CCDC88B: variants seen among roughly 807,000 people sequenced by gnomAD.
The protein encoded by CCDC88B is coiled-coil domain-containing protein 88B.
CCDC88B carries 138 observed loss-of-function variants against 183.7 expected under a neutral mutation model. That is an observed-to-expected ratio of 0.75 (90% confidence interval 0.65 to 0.87). The LOEUF (loss-of-function observed/expected upper bound fraction) is 0.87, where lower values mean the gene tolerates loss of function less well. Among genes scored for constraint, CCDC88B ranks in the 40% least tolerant of loss-of-function variants. The pLI, the probability that CCDC88B is intolerant of heterozygous loss-of-function variation, is 0.00. For synonymous variants in CCDC88B, 835 were observed against 867.5 expected (o/e 0.96, Z 0.66); for missense variants, 1,822 against 1,965.6 (o/e 0.93, Z 1.38).
rs757980929 is a variant in CCDC88B at position 64,344,529 on chromosome 11, A to C, written c.1988A>C (p.Gln663Pro). Residue 663 changes from glutamine (Q) to proline (P), a missense_variant, in exon 14 of 27, where the codon CAG (glutamine) becomes CCG (proline). By Grantham distance (76) the Gln-to-Pro change is moderately conservative. Transcript: ENST00000356786. This position sits in a 1 kb window ranked among gnomAD's most constrained non-coding sequence, Gnocchi z 4.5. ...SEPSSVQLEEQEGPNQGLDLA... is the reference protein window; with the variant it reads ...SEPSSVQLEEPEGPNQGLDLA... ...CCCAGCTCTGTGCAGCTGGAGGAGC[A>C]GGAGGGCCCAAACCAGGGCCTGGAC... 2 of 1,605,690 alleles carry C rather than the reference A, an allele frequency of 1.2e-6. No homozygotes were observed. Among genetic ancestry groups the C allele is most frequent in the South Asian group, 2.2e-5 (2 of 90,300 alleles).
Position 64,352,846 on chromosome 11 carries a change from C to T in CCDC88B, c.3459C>T (p.Gly1153=), listed in dbSNP as rs1284676136. 1.2e-6 allele frequency: 2 copies of T among 1,610,350 alleles called. No homozygotes were observed. The highest frequency in any genetic ancestry group is 1.7e-6 in the Non-Finnish European group (2 of 1,178,994). Residue 1153 remains glycine, a synonymous_variant, in exon 20 of 27, where the codon GGC becomes GGT. Coordinates refer to ENST00000356786, the MANE Select transcript of CCDC88B (RefSeq NM_032251.6). ...TGCAAGATGGGCATCGGCAGCGGGG[C>T]CTGGAGGAGGAGCTGCGGAGGCTTC... ...RLMQDGHRQR[G]LEEELRRLQS... is the part of the protein sequence containing the mutation.
intron 10 of CCDC88B, 95 bp from the exon 11 acceptor site, chr11:64,343,084 G>A: frequency 7.2e-7 from 1 of 1,389,806 alleles, no homozygotes; most frequent in Non-Finnish European, 9.5e-7. Context: ...GGGAGGCAGG[G>A]TCTGTGACAG....
chr11:64,346,416 A>C (rs1387850164), intron 14 of CCDC88B, among the ~76,000 whole-genome samples: 1 of 149,788 alleles, frequency 6.7e-6, no homozygotes, highest in African/African-American at 2.5e-5. Flanking sequence ...GTACAGGCAC[A>C]CACCACCACG....
At chr11:64,345,586 G>A (rs954875381) in intron 14 of CCDC88B, among the ~76,000 whole-genome samples, 2 of 152,200 alleles carry the variant, frequency 1.3e-5, no homozygotes, top group African/African-American at 2.4e-5. Flanking sequence ...TGCTACGAGA[G>A]CCCATGGGAG....
Position 64,354,119 on chromosome 11 carries a change from G to C in CCDC88B, c.4048G>C (p.Gly1350Arg), listed in dbSNP as rs1294391630. 3.6e-6 allele frequency: 5 copies of C among 1,381,832 alleles called. No individual in the cohort carries two copies. The highest frequency in any genetic ancestry group is 4.7e-6 in the Non-Finnish European group (5 of 1,061,386). The allele number at this position is 1,381,832 out of a possible 1,614,324, so 85.6% of individuals were successfully genotyped here. ...ADGAGSTESLGGPPETELPEG... is the reference protein window; with the variant it reads ...ADGAGSTESLRGPPETELPEG... ...TGGGGCTGGCAGCACCGAGAGCCTG[G>C]GGGGCCCCCCGGAGACGGAGCTTCC... The change falls in exon 24 of 27, where the codon GGG (glycine) becomes CGG (arginine). Residue 1350 changes from glycine (G) to arginine (R), a missense_variant. Coordinates refer to ENST00000356786, the MANE Select transcript of CCDC88B (RefSeq NM_032251.6).
chr11:64,351,636 C>T lies in CCDC88B; in HGVS notation c.3099+20C>T. ...CTGCAGGTGGGTGGTGGCCCGGGTG[C>T]CCATCCCTGCCCATGTACTGCCCCC... On this transcript the variant is annotated intron_variant, in intron 18 of 26. Coordinates refer to ENST00000356786, the MANE Select transcript of CCDC88B (RefSeq NM_032251.6). 6.5e-7 allele frequency: 1 copy of T among 1,543,306 alleles called. No homozygotes were observed. The highest frequency in any genetic ancestry group is 8.7e-7 in the Non-Finnish European group (1 of 1,152,394).
rs1429445784 is a variant in CCDC88B at position 64,341,257 on chromosome 11, A to G, written c.389-13A>G. On this transcript the variant is annotated splice_polypyrimidine_tract_variant and intron_variant, in intron 4 of 26. Transcript: ENST00000356786. ...CCCGCCCCAGTTAACCCCTTGTGGC[A>G]TGTGCCTTGCAGAAGAAGCGGTGGA... The G allele has an allele frequency of 1.9e-6, 3 of 1,613,676 alleles. No homozygotes were observed. The highest frequency in any genetic ancestry group is 2.5e-6 in the Non-Finnish European group (3 of 1,179,972).
chr11:64,354,677 C>A (rs2036473039), intron 24 of CCDC88B, among the ~76,000 whole-genome samples: 1 of 112,368 alleles, frequency 8.9e-6, no homozygotes, highest in African/African-American at 3.6e-5. Flanking sequence ...GACCCCCTCC[C>A]TGCATGAGCC....
rs1222261872 is a variant in CCDC88B at position 64,344,192 on chromosome 11, C to T, written c.1651C>T (p.Pro551Ser). The change falls in exon 14 of 27, where the codon CCT becomes TCT. Residue 551 changes from proline (P) to serine (S), a missense_variant. By Grantham distance (74) the Pro-to-Ser change is moderately conservative. Transcript: ENST00000356786. This position sits in a 1 kb window ranked among gnomAD's most constrained non-coding sequence, Gnocchi z 4.5. Reference sequence around the variant, plus strand: ...GGCATCAGCTGAGTGTCCCCAGGCACCTGATTCAGACCCACAGGAGGCAGA... The same window carrying T: ...GGCATCAGCTGAGTGTCCCCAGGCATCTGATTCAGACCCACAGGAGGCAGA... ...LEASAECPQA[P>S]DSDPQEAESP... The T allele has an allele frequency of 6.2e-7, 1 of 1,612,032 alleles. No homozygotes were observed. Among genetic ancestry groups the T allele is most frequent in the South Asian group, 1.1e-5 (1 of 90,878 alleles).
rs751953110 is a variant in CCDC88B, at chr11:64,343,555, GTGGAGC to G, written c.1272_1277del (p.Glu425_Leu426del). ...GGTGGACCAGCTGGCTGAGGAGAAT[GTGGAGC>G]TGGAGCTGGAGCTTCAGCGGAGCTT... On this transcript the variant is annotated inframe_deletion, in exon 12 of 27. Transcript: ENST00000356786. 6.4e-6 allele frequency: 10 copies of G among 1,551,946 alleles called. No homozygotes were observed. The highest frequency in any genetic ancestry group is 8.7e-6 in the Non-Finnish European group (10 of 1,147,170).
At chr11:64,349,057 C>T (rs567790399) in intron 14 of CCDC88B, 65 of 717,024 alleles carry the variant, frequency 9.1e-5, no homozygotes, top group East Asian at 4.8e-4. Flanking sequence ...AGAGAGGTGA[C>T]GGCACTTGCC....
chr11:64,353,667 C>A (rs745729401), intron 22 of CCDC88B, 48 bp from the exon 23 acceptor site: 1 of 1,604,938 alleles, frequency 6.2e-7, no homozygotes, highest in Non-Finnish European at 8.5e-7. Flanking sequence ...GCTACTGCCT[C>A]GGCCTCCCTG....
chr11:64,349,039 G>C, intron 14 of CCDC88B: 1 of 717,468 alleles, frequency 1.4e-6, no homozygotes, highest in East Asian at 2.7e-5. Flanking sequence ...ATGAAGAACC[G>C]TGGGCTCAGA....
chr11:64,342,126 C>T lies in CCDC88B; in HGVS notation c.808C>T (p.Leu270=). ...CAACGCCAAGGCTCAGCTGCGGCGT[C>T]TGCGGCAGGAGCTGTGAGTGTGCGC... is the stretch of plus-strand genomic sequence containing the variant. ...LANAKAQLRR[L]RQELEEKAEL... Residue 270 remains leucine, a synonymous_variant, in exon 8 of 27, where the codon CTG becomes TTG. Transcript: ENST00000356786. The T allele has an allele frequency of 1.2e-6, 2 of 1,609,362 alleles. No homozygotes were observed. Among genetic ancestry groups the T allele is most frequent in the Non-Finnish European group, 8.5e-7 (1 of 1,178,768 alleles).
intron 14 of CCDC88B, 45 bp from the exon 15 acceptor site, chr11:64,349,286 C>G (rs919115658): frequency 4.6e-6 from 7 of 1,523,736 alleles, no homozygotes; most frequent in Non-Finnish European, 5.3e-6. Context: ...CTGTCTCCGG[C>G]TGTCTCCTGC....
At chr11:64,342,864 G>A in intron 10 of CCDC88B, 184 bp downstream of exon 10, 1 of 649,766 alleles carries the variant, frequency 1.5e-6, no homozygotes, top group South Asian at 2.1e-5. Flanking sequence ...GGATGGGGCA[G>A]GTGTAGGGGA....
chr11:64,353,385 A>G lies in CCDC88B; in HGVS notation c.3722A>G (p.Glu1241Gly). Residue 1241 changes from glutamate to glycine, a missense_variant, in exon 22 of 27, where the codon GAG (glutamate) becomes GGG (glycine). Physicochemically the swap from Glu to Gly is moderately conservative, Grantham distance 98 (BLOSUM62 -2). Coordinates refer to ENST00000356786, the MANE Select transcript of CCDC88B (RefSeq NM_032251.6). ...LTQLRSAQEE[E>G]NRQLLAEVQA... ...CAGCTGCGAAGTGCCCAGGAAGAGG[A>G]GAACCGGCAGCTGCTGGCTGAAGTT... The G allele has an allele frequency of 1.2e-6, 2 of 1,613,572 alleles. No individual in the cohort carries two copies. Among genetic ancestry groups the G allele is most frequent in the East Asian group, 4.5e-5 (2 of 44,884 alleles).
intron 14 of CCDC88B, chr11:64,348,739 C>T (rs2036212925): frequency 2.2e-6 from 1 of 464,790 alleles, no homozygotes; most frequent in Non-Finnish European, 3.8e-6. Context: ...ATGGTTTGGT[C>T]TCCCTCCCTC....
chr11:64,349,606 AAGG>A lies in CCDC88B; in HGVS notation c.2807_2809del (p.Glu936del), dbSNP rs1679419908. 6.2e-7 allele frequency: 1 copy of A among 1,601,612 alleles called. No individual in the cohort carries two copies. Among genetic ancestry groups the A allele is most frequent in the African/African-American group, 1.3e-5 (1 of 74,820 alleles). ...TGAGCTGCAGGCGGCGGCGACCAGC[AAGG>A]AGGAGGCGCTGATGGAGCTCAAGAC... On this transcript the variant is annotated inframe_deletion, in exon 16 of 27. Transcript: ENST00000356786.
Sources: gnomAD v4.1 joint callset for allele counts (sites outside exome capture counted in the v4.1 genomes callset) on GRCh38, gnomAD v4.1.1 for gene constraint, Gnocchi (gnomAD v3.1) non-coding constraint, MANE v1.5 for transcripts, NCBI Gene and HGNC (gene_info 2026-07-23, HGNC 2026-07-21) for gene names.